The following PIEZO2 variants were observed in gnomAD, a reference collection of about 807,000 sequenced individuals.
PIEZO2 encodes the protein piezo type mechanosensitive ion channel component 2.
In PIEZO2, 172 loss-of-function variants were observed where a neutral mutation model predicts 337.3. The ratio of observed to expected loss-of-function variants is 0.51; its 90% CI spans 0.45 to 0.58. The LOEUF (loss-of-function observed/expected upper bound fraction) is 0.58, where lower values mean the gene tolerates loss of function less well. PIEZO2 is among the 20% of genes least tolerant of loss of function. The probability of loss-of-function intolerance (pLI) is 0.00; values close to 1 mark genes in which losing one functional copy is unlikely to be tolerated. For synonymous variants in PIEZO2, 1,251 were observed against 1,228.5 expected (o/e 1.02, Z -0.38); for missense variants, 3,028 against 3,391.3 (o/e 0.89, Z 2.66).
intron 16 of PIEZO2, among the ~76,000 whole-genome samples, chr18:10,785,386 C>T (rs1224886633): frequency 6.6e-6 from 1 of 152,198 alleles, no homozygotes; most frequent in Non-Finnish European, 1.5e-5. Context: ...TGTGGATTTA[C>T]ACATCATCCT....
rs1012141176 is a variant in PIEZO2, at chr18:10,862,464, C to G, written c.493-5253G>C. Among the ~76,000 whole-genome samples the G allele has an allele frequency of 6.6e-6, 1 of 152,184 alleles. No homozygotes were observed. Among genetic ancestry groups the G allele is most frequent in the Non-Finnish European group, 1.5e-5 (1 of 68,042 alleles). ...ACCTTTGCGTCTCTGCATCTCATCCCACAACATCCTCTCACCCTACAGCAG... is the reference window on the plus strand; with the variant it reads ...ACCTTTGCGTCTCTGCATCTCATCCGACAACATCCTCTCACCCTACAGCAG... On this transcript the variant is annotated intron_variant, in intron 5 of 55. Coordinates refer to ENST00000674853, the MANE Select transcript of PIEZO2 (RefSeq NM_001378183.1). This position sits in a 1 kb window ranked among gnomAD's most constrained non-coding sequence, Gnocchi z 4.4.
In PIEZO2 at chr18:10,899,217, G is replaced by A. The variant is rs1396162123; in HGVS notation, c.329+11969C>T. The stretch of plus-strand genomic sequence containing the variant: ...CTGGGAATGAAACAACCAAGCTATG[G>A]AAGTCATACAATACTGGGACAATCC... On this transcript the variant is annotated intron_variant, in intron 4 of 55. Coordinates refer to ENST00000674853, the MANE Select transcript of PIEZO2 (RefSeq NM_001378183.1). This position sits in a 1 kb window ranked among gnomAD's most constrained non-coding sequence, Gnocchi z 4.6. Among the ~76,000 whole-genome samples the A allele has an allele frequency of 1.3e-5, 2 of 152,166 alleles. No homozygotes were observed. The highest frequency in any genetic ancestry group is 2.9e-5 in the Non-Finnish European group (2 of 68,026).
chr18:10,752,680 T>A lies in PIEZO2; in HGVS notation c.4123A>T (p.Ile1375Phe), dbSNP rs2037693003. The part of the protein sequence containing the change: ...KSILRYWDWL[I>F]AYNVFVITMK... ...GTAATCACAAAAACGTTGTATGCGATCAGCCAGTCCCAGTAGCGCAGGATG... is the reference window on the plus strand; with the variant it reads ...GTAATCACAAAAACGTTGTATGCGAACAGCCAGTCCCAGTAGCGCAGGATG... The change falls in exon 28 of 56, where the codon ATC becomes TTC. Residue 1375 changes from isoleucine (I) to phenylalanine (F), a missense_variant. Ile to Phe is a conservative substitution (Grantham distance 21). Around this residue, in one of 5 missense-constraint regions of PIEZO2, gnomAD observed 1,925 missense variants for 2,051.9 expected, o/e 0.94. Coordinates refer to ENST00000674853, the MANE Select transcript of PIEZO2 (RefSeq NM_001378183.1). 2.0e-6 allele frequency: 3 copies of A among 1,537,126 alleles called. No individual in the cohort carries two copies. The highest frequency in any genetic ancestry group is 2.0e-5 in the Admixed American group (1 of 50,986).
At chr18:10,717,230 A>T (rs888404570) in intron 37 of PIEZO2, among the ~76,000 whole-genome samples, 6 of 152,246 alleles carry the variant, frequency 3.9e-5, no homozygotes, top group Admixed American at 3.3e-4. Context: ...GAAACAAGAC[A>T]TGTGATCTGA....
chr18:11,113,497 T>C (rs764389602), intron 1 of PIEZO2, among the ~76,000 whole-genome samples: 1 of 152,210 alleles, frequency 6.6e-6, no homozygotes, highest in African/African-American at 2.4e-5. Flanking sequence ...GCGGATTCAC[T>C]GTCCCATCCT....
rs1283787997 is a variant in PIEZO2, at chr18:10,862,825, C to T, written c.493-5614G>A. On this transcript the variant is annotated intron_variant, in intron 5 of 55. Transcript: ENST00000674853. This position sits in a 1 kb window ranked among gnomAD's most constrained non-coding sequence, Gnocchi z 4.4. ...TGGCAACCACTGATCAATGAATTCT[C>T]CATAGGGGTTCAGCTGAATAGGCAC... 6.6e-6 allele frequency among the ~76,000 whole-genome samples: 1 copy of T among 152,202 alleles called. No individual in the cohort carries two copies. Among genetic ancestry groups the T allele is most frequent in the Non-Finnish European group, 1.5e-5 (1 of 68,034 alleles).
intron 23 of PIEZO2, among the ~76,000 whole-genome samples, chr18:10,761,798 T>A (rs1349517250): frequency 6.6e-6 from 1 of 152,134 alleles, no homozygotes; most frequent in Non-Finnish European, 1.5e-5. Flanking sequence ...CTTAATACAT[T>A]TAAAAATCCC....
chr18:11,008,784 G>A (rs1420889809), intron 2 of PIEZO2, among the ~76,000 whole-genome samples: 1 of 152,180 alleles, frequency 6.6e-6, no homozygotes, highest in Non-Finnish European at 1.5e-5. Flanking sequence ...TGCATTGGGA[G>A]CCCTCAAGTT....
chr18:10,921,431 C>G (rs979458391), intron 3 of PIEZO2, among the ~76,000 whole-genome samples: 1 of 152,132 alleles, frequency 6.6e-6, no homozygotes, highest in Non-Finnish European at 1.5e-5. Context: ...TTACTGCAGT[C>G]TCTAAGCTTA....
chr18:11,082,100 G>A (rs957475655), intron 1 of PIEZO2, among the ~76,000 whole-genome samples: 4 of 151,968 alleles, frequency 2.6e-5, no homozygotes, highest in South Asian at 2.1e-4. Flanking sequence ...GACAAAAATG[G>A]GGAGGAAAGT....
intron 27 of PIEZO2, among the ~76,000 whole-genome samples, chr18:10,757,542 T>G (rs901985889): frequency 8.6e-6 from 1 of 115,624 alleles, no homozygotes; most frequent in East Asian, 2.6e-4. Flanking sequence ...GAGGATGAGC[T>G]ATGGGGATGA....
At chr18:10,807,333 T>C (rs2040033268) in intron 7 of PIEZO2, 59 bp from the exon 8 acceptor site, 1 of 1,438,772 alleles carries the variant, frequency 7.0e-7, no homozygotes, top group Admixed American at 2.2e-5. Context: ...TCTCCAACAT[T>C]GAATAAAAGT....
At chr18:10,933,182 T>C (rs1050752901) in intron 3 of PIEZO2, among the ~76,000 whole-genome samples, 10 of 152,054 alleles carry the variant, frequency 6.6e-5, no homozygotes, top group Non-Finnish European at 1.0e-4. Context: ...GGCAATTAAC[T>C]TTTCACATAT....
At position 10,940,616 on chromosome 18, in the gene PIEZO2, C is replaced by A. The variant is rs2145245961; in HGVS notation, c.287-29388G>T. On this transcript the variant is annotated intron_variant, in intron 3 of 55. Transcript: ENST00000674853. The surrounding 1 kb of genome is among the most constrained non-coding windows in gnomAD (Gnocchi z 5.3). ...CTGCTGCTCATGCCTGTAATCCCAACACTTCGAGAGGCCCAGGCGGGCGGC... is the reference window on the plus strand; with the variant it reads ...CTGCTGCTCATGCCTGTAATCCCAAAACTTCGAGAGGCCCAGGCGGGCGGC... Among the ~76,000 whole-genome samples the A allele has an allele frequency of 6.6e-6, 1 of 152,334 alleles. No individual in the cohort carries two copies. The highest frequency in any genetic ancestry group is 1.5e-5 in the Non-Finnish European group (1 of 68,038).
chr18:10,675,149 T>C, intron 54 of PIEZO2, 60 bp downstream of exon 54: 2 of 1,235,690 alleles, frequency 1.6e-6, no homozygotes, highest in Non-Finnish European at 2.3e-6. Context: ...GCACAAACTG[T>C]TGAAATTGAA....
At chr18:10,890,563 AG>A in intron 4 of PIEZO2, 1 of 152,290 alleles carries the variant, frequency 6.6e-6, no homozygotes, top group South Asian at 2.1e-4. Flanking sequence ...ACATGGAGGC[AG>A]CAAGAGACGT....
intron 1 of PIEZO2, among the ~76,000 whole-genome samples, chr18:11,142,447 A>G (rs2040679747): frequency 6.6e-6 from 1 of 152,206 alleles, no homozygotes; most frequent in Non-Finnish European, 1.5e-5. Flanking sequence ...GGAAGCTCTG[A>G]GGAATATGAC....
Position 10,929,020 on chromosome 18 carries a change from G to A in PIEZO2, c.287-17792C>T, listed in dbSNP as rs372348875. On this transcript the variant is annotated intron_variant, in intron 3 of 55. Coordinates refer to ENST00000674853, the MANE Select transcript of PIEZO2 (RefSeq NM_001378183.1). This position sits in a 1 kb window ranked among gnomAD's most constrained non-coding sequence, Gnocchi z 5.6. The stretch of plus-strand genomic sequence containing the variant: ...CAGGAGAGAGAAAAAAAGATTTTTT[G>A]GTTTGTCTCACTGCTGACTCAAAAT... Among the ~76,000 whole-genome samples, 40 of 152,140 alleles carry A rather than the reference G, an allele frequency of 2.6e-4. No homozygotes were observed. In the South Asian group the frequency reaches 5.0e-3, roughly 19 times the overall value.
intron 1 of PIEZO2, among the ~76,000 whole-genome samples, chr18:11,067,271 A>T (rs1225621966): frequency 2.6e-5 from 4 of 152,204 alleles, no homozygotes; most frequent in African/African-American, 9.6e-5. Context: ...ATAAAACTGC[A>T]CTTGTACACC....
Sources: allele counts gnomAD v4.1 joint callset (sites outside exome capture counted in the v4.1 genomes callset), GRCh38; gene constraint gnomAD v4.1.1; regional missense constraint gnomAD v4.1.1; non-coding constraint Gnocchi (gnomAD v3.1); transcripts MANE v1.5; gene names NCBI Gene and HGNC (gene_info 2026-07-23, HGNC 2026-07-21).